DENND3: variants seen among roughly 807,000 people sequenced by gnomAD.
The protein encoded by DENND3 is DENN domain-containing protein 3.
In DENND3, 88 loss-of-function variants were observed where a neutral mutation model predicts 135.1. The observed-to-expected ratio is 0.65, with a 90% CI of 0.55 to 0.78. The LOEUF is 0.78. Ranked by LOEUF, DENND3 falls within the 30% of genes least tolerant of loss-of-function variation. The pLI is 0.00. For synonymous variants in DENND3, 693 were observed against 712.3 expected, an observed-to-expected ratio of 0.97 and a Z score of 0.43; for missense variants, 1,392 against 1,688.4, an observed-to-expected ratio of 0.82 and a Z score of 3.08.
intron 13 of DENND3, among the ~76,000 whole-genome samples, chr8:141,169,778 A>G (rs1821281497): frequency 1.3e-5 from 2 of 152,250 alleles, no homozygotes; most frequent in Admixed American, 6.5e-5. Flanking sequence ...CTGAGTTTGC[A>G]CGTGCTGTTT....
At chr8:141,177,001 G>A (rs1822462673) in intron 15 of DENND3, 3 of 510,408 alleles carry the variant, frequency 5.9e-6, no homozygotes, top group Non-Finnish European at 1.0e-5. Flanking sequence ...GGCGGTCTGG[G>A]CAGGTGTGGG....
chr8:141,181,814 C>G (rs1277682562), intron 17 of DENND3, among the ~76,000 whole-genome samples: 1 of 151,938 alleles, frequency 6.6e-6, no homozygotes, highest in African/African-American at 2.4e-5. Context: ...CTCTGTTGCC[C>G]AGGCTGGAGT....
chr8:141,177,884 A>T, intron 15 of DENND3, 183 bp from the exon 16 acceptor site: 1 of 735,148 alleles, frequency 1.4e-6, no homozygotes, highest in Non-Finnish European at 2.0e-6. Flanking sequence ...AACAATCAAT[A>T]TTTGTCTTAA....
chr8:141,147,135 A>G (rs1020399129), intron 5 of DENND3, among the ~76,000 whole-genome samples: 7 of 151,876 alleles, frequency 4.6e-5, no homozygotes, highest in African/African-American at 1.7e-4. Context: ...TCCGTCCATC[A>G]CTCAGCCTCG....
At chr8:141,159,890 C>T (rs1013275300) in intron 8 of DENND3, among the ~76,000 whole-genome samples, 6 of 152,130 alleles carry the variant, frequency 3.9e-5, no homozygotes, top group South Asian at 2.1e-4. Context: ...TGGTGACACC[C>T]GGGACGTTTG....
chr8:141,142,465 A>G (rs767838376), intron 4 of DENND3: 4 of 447,978 alleles, frequency 8.9e-6, no homozygotes, highest in South Asian at 6.4e-5. Context: ...GTGAGCAGGA[A>G]CCTTACTGTT....
chr8:141,160,875 C>T, intron 9 of DENND3, 88 bp downstream of exon 9: 1 of 1,504,610 alleles, frequency 6.6e-7, no homozygotes, highest in South Asian at 1.3e-5. Context: ...CCCCAGAGGG[C>T]AGGCCATTAG....
At chr8:141,155,262 C>T (rs539380761) in intron 7 of DENND3, among the ~76,000 whole-genome samples, 1 of 152,208 alleles carries the variant, frequency 6.6e-6, no homozygotes, top group South Asian at 2.1e-4. Flanking sequence ...TACGTTGACA[C>T]AGTTTATGTT....
chr8:141,186,942 C>T lies in DENND3; in HGVS notation c.3084+1664C>T, dbSNP rs76890106. On this transcript the variant is annotated intron_variant, in intron 18 of 22. Transcript: ENST00000519811. Reference sequence around the variant, plus strand: ...CCCGAGAGGCCGCTGAGTAGCTCCCCGTGCTCTGAGACCCCACACTCCCCC... The same window carrying T: ...CCCGAGAGGCCGCTGAGTAGCTCCCTGTGCTCTGAGACCCCACACTCCCCC... 8.0e-3 allele frequency among the ~76,000 whole-genome samples: 1,216 copies of T among 152,312 alleles called. 31 individuals are homozygous for T. Among genetic ancestry groups the T allele is most frequent in the African/African-American group, 0.028 (1,161 of 41,558 alleles).
Position 141,128,915 on chromosome 8 carries a change from G to T in DENND3, c.102+106G>T. ...CCCTGTGGGTTGGCGCGGACTTTCC[G>T]AGGGCTGAGTCCCGGTCCCCCGGCG... On this transcript the variant is annotated intron_variant, in intron 1 of 22. Coordinates refer to ENST00000519811, the MANE Select transcript of DENND3 (RefSeq NM_001352890.3). This position sits in a 1 kb window ranked among gnomAD's most constrained non-coding sequence, Gnocchi z 4.5. The T allele has an allele frequency of 4.7e-6, 4 of 842,302 alleles. No individual in the cohort carries two copies. The highest frequency in any genetic ancestry group is 6.6e-6 in the Non-Finnish European group (4 of 609,556). 52.2% of individuals were successfully genotyped at this position (842,302 alleles called of 1,614,324 possible). A position where few individuals can be genotyped will look rare whatever the true frequency, so the allele number is the denominator to read the frequency against.
At chr8:141,136,868 A>G in intron 2 of DENND3, 77 bp downstream of exon 2, 2 of 1,438,712 alleles carry the variant, frequency 1.4e-6, no homozygotes, top group Non-Finnish European at 1.8e-6. Context: ...AGAAACCCAC[A>G]GGCAGAGGGA....
At position 141,141,333 on chromosome 8, in the gene DENND3, G is replaced by A. The variant is rs2154612772; in HGVS notation, c.623+9G>A. The A allele has an allele frequency of 6.2e-7, 1 of 1,612,970 alleles. No individual in the cohort carries two copies. The highest frequency in any genetic ancestry group is 8.5e-7 in the Non-Finnish European group (1 of 1,179,950). ...AAGGACTGCCTTTCCTGGTGAGCTG[G>A]GGCACCGGGGGCCAGGGGTGGTAGG... On this transcript the variant is annotated intron_variant, in intron 4 of 22. Transcript: ENST00000519811. This position sits in a 1 kb window ranked among gnomAD's most constrained non-coding sequence, Gnocchi z 5.3.
At chr8:141,153,872 G>T (rs1038056247) in intron 7 of DENND3, among the ~76,000 whole-genome samples, 5 of 152,240 alleles carry the variant, frequency 3.3e-5, no homozygotes, top group African/African-American at 1.2e-4. Flanking sequence ...AGCAGTGGGG[G>T]ACACCTTTGA....
At chr8:141,129,652 G>A (rs76072125) in intron 1 of DENND3, 3,606 of 152,344 alleles carry the variant, frequency 0.024, 58 homozygotes, top group Non-Finnish European at 0.036. Flanking sequence ...AGATCCCGGC[G>A]TCACTGGCCA....
At chr8:141,135,261 C>T (rs1411721901) in intron 1 of DENND3, among the ~76,000 whole-genome samples, 1 of 151,816 alleles carries the variant, frequency 6.6e-6, no homozygotes, top group African/African-American at 2.4e-5. Context: ...AGGCGATCTT[C>T]CTGCCTTAGC....
intron 14 of DENND3, chr8:141,176,271 AAAAAC>A (rs1287133437): frequency 6.4e-5 from 13 of 201,626 alleles, no homozygotes; most frequent in African/African-American, 3.4e-4. Flanking sequence ...GGAAGTAAAA[AAAAAC>A]AAAAACAAAA....
intron 8 of DENND3, among the ~76,000 whole-genome samples, chr8:141,159,070 T>C (rs1429969038): frequency 5.9e-5 from 9 of 152,216 alleles, no homozygotes; most frequent in Non-Finnish European, 8.8e-5. Flanking sequence ...TTGAGACCCA[T>C]CTAGGCAAGG....
rs1823008274 is a variant in DENND3, at chr8:141,180,872, G to A, written c.2944+18G>A. 3 of 1,595,692 alleles carry A rather than the reference G, an allele frequency of 1.9e-6. No individual in the cohort carries two copies. Among genetic ancestry groups the A allele is most frequent in the Non-Finnish European group, 2.6e-6 (3 of 1,167,658 alleles). ...CACTCCAGGTAAGGCCCCTCTGCCC[G>A]CGCCTCGCTGCCAGTTTTCAGCCAA... On this transcript the variant is annotated intron_variant, in intron 17 of 22. Transcript: ENST00000519811.
chr8:141,140,286 G>A (rs566585893), intron 3 of DENND3, among the ~76,000 whole-genome samples: 11 of 152,134 alleles, frequency 7.2e-5, no homozygotes, highest in Non-Finnish European at 1.2e-4. Flanking sequence ...GTGACTTGAG[G>A]GTGGGAACCA....
Sources: allele counts gnomAD v4.1 joint callset (sites outside exome capture counted in the v4.1 genomes callset), GRCh38; gene constraint gnomAD v4.1.1; non-coding constraint Gnocchi (gnomAD v3.1); transcripts MANE v1.5; gene names NCBI Gene and HGNC (gene_info 2026-07-23, HGNC 2026-07-21).